The following NOTCH2 variants were observed in gnomAD, a reference collection of about 807,000 sequenced individuals.
NOTCH2 encodes neurogenic locus notch homolog protein 2.
In NOTCH2, 29 loss-of-function variants were observed where a neutral mutation model predicts 235.8. The observed-to-expected ratio is 0.12, with a 90% CI of 0.09 to 0.17. NOTCH2 has a LOEUF of 0.17. Among genes scored for constraint, NOTCH2 ranks in the 10% least tolerant of loss-of-function variants. NOTCH2 has a pLI of 1.00. For synonymous variants in NOTCH2, 1,086 were observed against 1,141.5 expected (o/e 0.95, Z 0.98); for missense variants, 2,285 against 3,150.2 (o/e 0.73, Z 6.57).
At chr1:119,959,974 G>T (rs1049810064) in intron 11 of NOTCH2, among the ~76,000 whole-genome samples, 30 of 152,172 alleles carry the variant, frequency 2.0e-4, no homozygotes, top group Admixed American at 6.5e-5. Flanking sequence ...GTGATGAAAT[G>T]GAAGTATACA....
At chr1:120,041,056 A>G (rs1169081688) in intron 1 of NOTCH2, among the ~76,000 whole-genome samples, 1 of 113,272 alleles carries the variant, frequency 8.8e-6, no homozygotes, top group East Asian at 2.1e-4. Context: ...AAAAAAAAAA[A>G]AAAAAAAAAA....
Position 119,987,000 on chromosome 1 carries a change from C to A in NOTCH2, c.834G>T (p.Gly278=). 6.2e-7 allele frequency: 1 copy of A among 1,613,704 alleles called. No individual in the cohort carries two copies. ...GACAGCGGCAGTTGTAAGTGTTGACCCCATCCACACAAACCCCTCCATTCT... is the reference window on the plus strand; with the variant it reads ...GACAGCGGCAGTTGTAAGTGTTGACACCATCCACACAAACCCCTCCATTCT... ...RCQNGGVCVD[G]VNTYNCRCPP... Residue 278 remains glycine, a synonymous_variant, in exon 5 of 34, where the codon GGG becomes GGT. Transcript: ENST00000256646.
chr1:120,015,029 T>A, intron 2 of NOTCH2, among the ~76,000 whole-genome samples: 1 of 148,608 alleles, frequency 6.7e-6, no homozygotes, highest in African/African-American at 2.5e-5. Flanking sequence ...GATTTGGCCA[T>A]TCAAAAAAAA....
At position 119,926,714 on chromosome 1, in the gene NOTCH2, G is replaced by C. The variant is rs1225139835; in HGVS notation, c.3893-103C>G. On this transcript the variant is annotated intron_variant, in intron 23 of 33. Coordinates refer to ENST00000256646, the MANE Select transcript of NOTCH2 (RefSeq NM_024408.4). ...TGGGAACTAGCCATAGGTGAAGCAAGTGTGAGAGAGTTCAGTTCTAGGCCT... is the reference window on the plus strand; with the variant it reads ...TGGGAACTAGCCATAGGTGAAGCAACTGTGAGAGAGTTCAGTTCTAGGCCT... 5.9e-6 allele frequency: 5 copies of C among 853,786 alleles called. No individual in the cohort carries two copies. The Admixed American group carries it at 1.0e-4, about 17-fold the overall frequency. The allele number at this position is 853,786 out of a possible 1,614,324, so 52.9% of individuals were successfully genotyped here.
At chr1:119,921,576 G>C (rs1470158131) in intron 29 of NOTCH2, 137 bp downstream of exon 29, 1 of 773,094 alleles carries the variant, frequency 1.3e-6, no homozygotes, top group Non-Finnish European at 2.3e-6. Context: ...GGAGAACCTA[G>C]GATAGTTATT....
chr1:119,916,682 G>C lies in NOTCH2; in HGVS notation c.6040C>G (p.Leu2014Val). ...CTCCCCTCCCGGGCAGCAAGAAACA[G>C]AGGTGTCTCTTCCTACAGAAAAGGC... ...DMQDNKEETP[L>V]FLAAREGSYE... Residue 2014 changes from leucine (L) to valine (V), a missense_variant, in exon 34 of 34, where the codon CTG (leucine) becomes GTG (valine). Physicochemically the swap from Leu to Val is conservative, Grantham distance 32. This residue lies in a region of NOTCH2 where 128 missense variants were observed against 255.9 expected (regional missense o/e 0.50). Transcript: ENST00000256646. 3 of 1,614,178 alleles carry C rather than the reference G, an allele frequency of 1.9e-6. No individual in the cohort carries two copies. The highest frequency in any genetic ancestry group is 2.5e-6 in the Non-Finnish European group (3 of 1,180,032).
At chr1:119,974,993 C>T (rs782655207) in intron 5 of NOTCH2, among the ~76,000 whole-genome samples, 1 of 152,190 alleles carries the variant, frequency 6.6e-6, no homozygotes, top group Non-Finnish European at 1.5e-5. Context: ...ATCTAACATG[C>T]TCATTTTACA....
In NOTCH2 at chr1:119,916,468, C is replaced by T; in HGVS notation, c.6254G>A (p.Cys2085Tyr). ...GCTGAGGAAAGATCTGTTGGGCCCA[C>T]AGATGACAGGTGAGAGAGCAGAAGT... ...VLTSALSPVI[C>Y]GPNRSFLSLK... Residue 2085 changes from cysteine to tyrosine, a missense_variant, in exon 34 of 34, where the codon TGT becomes TAT. Transcript: ENST00000256646. 6.2e-7 allele frequency: 1 copy of T among 1,613,046 alleles called. No individual in the cohort carries two copies. The highest frequency in any genetic ancestry group is 2.2e-5 in the East Asian group (1 of 44,862).
intron 21 of NOTCH2, 123 bp from the exon 22 acceptor site, chr1:119,935,727 GT>G: frequency 9.4e-7 from 1 of 1,062,854 alleles, no homozygotes; most frequent in Non-Finnish European, 1.4e-6. Context: ...GCTTTTGTAT[GT>G]TTTCTCTGGA....
chr1:119,917,628 T>C (rs776532356), intron 33 of NOTCH2, 37 bp downstream of exon 33: 2 of 1,320,474 alleles, frequency 1.5e-6, no homozygotes, highest in Non-Finnish European at 2.2e-6. Context: ...GAGGCACTGC[T>C]ATGAGCCTCC....
At chr1:120,029,512 G>T (rs1413365506) in intron 2 of NOTCH2, among the ~76,000 whole-genome samples, 1 of 150,416 alleles carries the variant, frequency 6.6e-6, no homozygotes, top group Non-Finnish European at 1.5e-5. Context: ...CACCACACCT[G>T]GCTAATTTTT....
intron 11 of NOTCH2, among the ~76,000 whole-genome samples, chr1:119,961,053 G>A (rs1026182722): frequency 1.6e-4 from 25 of 152,140 alleles, no homozygotes; most frequent in African/African-American, 5.8e-4. Context: ...TGTCATGTAA[G>A]TTTTCTCTAA....
At chr1:120,009,123 A>G (rs1653089239) in intron 2 of NOTCH2, among the ~76,000 whole-genome samples, 1 of 152,220 alleles carries the variant, frequency 6.6e-6, no homozygotes. Context: ...TGCAAAGGCC[A>G]TAACACAGAG....
chr1:119,936,837 G>A (rs1649867623), intron 21 of NOTCH2, among the ~76,000 whole-genome samples: 1 of 151,912 alleles, frequency 6.6e-6, no homozygotes, highest in Non-Finnish European at 1.5e-5. Flanking sequence ...TGATGCTATG[G>A]GGAACAGGAT....
intron 25 of NOTCH2, 23 bp from the exon 26 acceptor site, chr1:119,924,007 C>G: frequency 6.3e-7 from 1 of 1,579,748 alleles, no homozygotes. Flanking sequence ...AAGCAGAGAA[C>G]AGGCAAAAGA....
At position 119,986,988 on chromosome 1, in the gene NOTCH2, G is replaced by A. The variant is rs200938427; in HGVS notation, c.846C>T (p.Tyr282=). The A allele has an allele frequency of 9.3e-6, 15 of 1,613,540 alleles. No individual in the cohort carries two copies. The highest frequency in any genetic ancestry group is 4.0e-5 in the African/African-American group (3 of 74,882). ...GGVCVDGVNT[Y]NCRCPPQWTG... ...TCCATTGTGGGGGACAGCGGCAGTT[G>A]TAAGTGTTGACCCCATCCACACAAA... The change falls in exon 5 of 34, where the codon TAC becomes TAT. Residue 282 remains tyrosine (Y), a synonymous_variant. Coordinates refer to ENST00000256646, the MANE Select transcript of NOTCH2 (RefSeq NM_024408.4).
intron 2 of NOTCH2, among the ~76,000 whole-genome samples, chr1:120,011,841 C>T (rs1653204423): frequency 6.7e-6 from 1 of 149,576 alleles, no homozygotes; most frequent in African/African-American, 2.5e-5. Flanking sequence ...ACAGTGAAAC[C>T]CTGTCTCTAC....
At chr1:119,999,961 AAG>A (rs1472071865) in intron 3 of NOTCH2, among the ~76,000 whole-genome samples, 1 of 129,828 alleles carries the variant, frequency 7.7e-6, no homozygotes, top group African/African-American at 3.7e-5. Context: ...GAAAGAAAGA[AAG>A]AAAGAAAGAA....
chr1:119,926,636 G>T (rs755516980), intron 23 of NOTCH2, 25 bp from the exon 24 acceptor site: 85 of 1,555,984 alleles, frequency 5.5e-5, no homozygotes, highest in Non-Finnish European at 6.8e-5. Flanking sequence ...AATAAAAAAG[G>T]TTTTAAAAGG....
Sources: allele counts gnomAD v4.1 joint callset (sites outside exome capture counted in the v4.1 genomes callset), GRCh38; gene constraint gnomAD v4.1.1; regional missense constraint gnomAD v4.1.1; transcripts MANE v1.5; gene names NCBI Gene and HGNC (gene_info 2026-07-23, HGNC 2026-07-21).